Variants in PAFAH1B1 observed in about 807,000 individuals in gnomAD.
PAFAH1B1 encodes platelet activating factor acetylhydrolase 1b regulatory subunit 1.
Under a neutral mutation model 57.5 loss-of-function variants are expected in PAFAH1B1, and 2 were observed. That is an observed-to-expected ratio of 0.03 (90% CI 0.01 to 0.11). The LOEUF (loss-of-function observed/expected upper bound fraction) is 0.11, where lower values mean the gene tolerates loss of function less well. Among genes scored for constraint, PAFAH1B1 ranks in the 10% least tolerant of loss-of-function variants. The probability of loss-of-function intolerance (pLI) is 1.00; values close to 1 mark genes in which losing one functional copy is unlikely to be tolerated. For synonymous variants in PAFAH1B1, 152 were observed against 169.6 expected (o/e 0.90, Z 0.81); for missense variants, 257 against 512.0 (o/e 0.50, Z 4.81).
chr17:2,604,952 G>A (rs2068188553), intron 1 of PAFAH1B1, among the ~76,000 whole-genome samples: 2 of 152,204 alleles, frequency 1.3e-5, no homozygotes, highest in African/African-American at 4.8e-5. Context: ...TGAGGTTGGA[G>A]AGGCACGTCT....
intron 1 of PAFAH1B1, among the ~76,000 whole-genome samples, chr17:2,632,432 C>G (rs138906102): frequency 2.0e-3 from 300 of 152,350 alleles, no homozygotes; most frequent in African/African-American, 7.0e-3. Context: ...ACTTGTCTCA[C>G]TTAATCCAGA....
rs77786909 is a variant in PAFAH1B1, at chr17:2,672,421, G to T, written c.569-234G>T. On this transcript the variant is annotated intron_variant, in intron 6 of 10. Transcript: ENST00000397195. Reference sequence around the variant, plus strand: ...CTTTTGTTTTTAAACCATTTGTACAGGTTGAAATTTAATCCTAAATGGAGT... The same window carrying T: ...CTTTTGTTTTTAAACCATTTGTACATGTTGAAATTTAATCCTAAATGGAGT... Among the ~76,000 whole-genome samples the T allele has an allele frequency of 6.0e-3, 913 of 152,004 alleles. 13 individuals are homozygous for T. Among genetic ancestry groups the T allele is most frequent in the African/African-American group, 0.021 (876 of 41,452 alleles).
chr17:2,671,690 C>A (rs1265292441), intron 6 of PAFAH1B1, among the ~76,000 whole-genome samples: 1 of 150,418 alleles, frequency 6.6e-6, no homozygotes, highest in African/African-American at 2.5e-5. Flanking sequence ...GCAACCTCCA[C>A]CTCCCAGGTT....
chr17:2,602,627 T>G (rs2068158044), intron 1 of PAFAH1B1, among the ~76,000 whole-genome samples: 1 of 152,230 alleles, frequency 6.6e-6, no homozygotes. Context: ...TTCAGTCTTG[T>G]CCGGTTAACG....
chr17:2,680,432 C>A, intron 10 of PAFAH1B1, 112 bp downstream of exon 10: 1 of 936,726 alleles, frequency 1.1e-6, no homozygotes, highest in Non-Finnish European at 1.8e-6. Context: ...GCTTTCAGGG[C>A]AGAATAGAGA....
At chr17:2,613,249 G>C (rs2068288328) in intron 1 of PAFAH1B1, 1 of 182,376 alleles carries the variant, frequency 5.5e-6, no homozygotes, top group Non-Finnish European at 1.2e-5. Flanking sequence ...GAGTTTGTGT[G>C]GCCCCACCCC....
chr17:2,681,226 A>AC (rs1263627032), intron 10 of PAFAH1B1: 1 of 153,076 alleles, frequency 6.5e-6, no homozygotes, highest in Non-Finnish European at 1.5e-5. Context: ...ACATAGTGAG[A>AC]CCCTGCCTTT....
At chr17:2,594,919 T>G (rs1015698780) in intron 1 of PAFAH1B1, among the ~76,000 whole-genome samples, 2 of 152,116 alleles carry the variant, frequency 1.3e-5, no homozygotes, top group African/African-American at 4.8e-5. Context: ...AACGTAGCAG[T>G]AGAGGGGAAG....
intron 1 of PAFAH1B1, among the ~76,000 whole-genome samples, chr17:2,606,810 CTTTTTTTTTTTT>C (rs770011553): frequency 3.9e-5 from 4 of 101,708 alleles, no homozygotes; most frequent in Non-Finnish European, 7.9e-5. Context: ...TGCCTCAGAG[CTTTTTTTTTTTT>C]TTTTTTTTTT....
chr17:2,651,981 C>A (rs573180501), intron 2 of PAFAH1B1, among the ~76,000 whole-genome samples: 1 of 152,308 alleles, frequency 6.6e-6, no homozygotes, highest in East Asian at 1.9e-4. Flanking sequence ...ATCTCAGCCT[C>A]CCCCTATTCA....
chr17:2,638,174 T>C lies in PAFAH1B1; in HGVS notation c.-115T>C. 1.3e-6 allele frequency: 1 copy of C among 741,704 alleles called. No individual in the cohort carries two copies. The highest frequency in any genetic ancestry group is 2.4e-6 in the Non-Finnish European group (1 of 425,480). 45.9% of individuals were successfully genotyped at this position (741,704 alleles called of 1,614,324 possible). ...TTTGTGAAAGAATCATTTTCCCCTGTGTGGAAGACACTTAGTGGCATATTT... is the reference window on the plus strand; with the variant it reads ...TTTGTGAAAGAATCATTTTCCCCTGCGTGGAAGACACTTAGTGGCATATTT... On this transcript the variant is annotated 5_prime_UTR_variant, in exon 2 of 11. Coordinates refer to ENST00000397195, the MANE Select transcript of PAFAH1B1 (RefSeq NM_000430.4).
intron 1 of PAFAH1B1, among the ~76,000 whole-genome samples, chr17:2,616,403 C>G (rs2068341128): frequency 6.6e-6 from 1 of 152,102 alleles, no homozygotes; most frequent in South Asian, 2.1e-4. Flanking sequence ...ATTGTGAAGG[C>G]TTGCAAGTTC....
intron 1 of PAFAH1B1, among the ~76,000 whole-genome samples, chr17:2,602,679 A>G (rs1427227184): frequency 1.3e-5 from 2 of 152,302 alleles, no homozygotes; most frequent in African/African-American, 4.8e-5. Flanking sequence ...CTAAAATGCA[A>G]TCTGACCATA....
intron 1 of PAFAH1B1, among the ~76,000 whole-genome samples, chr17:2,625,755 G>A (rs978004480): frequency 1.3e-5 from 2 of 152,228 alleles, no homozygotes; most frequent in East Asian, 1.9e-4. Context: ...GCGGGACCCC[G>A]TCTCTAGCGG....
intron 1 of PAFAH1B1, among the ~76,000 whole-genome samples, chr17:2,634,662 A>AT (rs926275730): frequency 1.5e-3 from 217 of 147,852 alleles, no homozygotes; most frequent in Middle Eastern, 7.1e-3. Context: ...TAAGTGAGTG[A>AT]TTTTTTTTTT....
chr17:2,660,036 C>A (rs1384460595), intron 2 of PAFAH1B1, among the ~76,000 whole-genome samples: 1 of 152,016 alleles, frequency 6.6e-6, no homozygotes, highest in Admixed American at 6.6e-5. Flanking sequence ...GAGGAGGGTA[C>A]TAAGGATGAC....
intron 1 of PAFAH1B1, among the ~76,000 whole-genome samples, chr17:2,618,340 C>T (rs963938155): frequency 7.9e-5 from 12 of 152,098 alleles, no homozygotes; most frequent in Non-Finnish European, 1.6e-4. Context: ...ACAGAGCACA[C>T]GATACTTCAA....
At chr17:2,618,802 C>T (rs1043085121) in intron 1 of PAFAH1B1, among the ~76,000 whole-genome samples, 2 of 148,474 alleles carry the variant, frequency 1.3e-5, no homozygotes, top group Non-Finnish European at 3.0e-5. Context: ...TACTCGCTCA[C>T]TTGGGAGGCC....
intron 1 of PAFAH1B1, chr17:2,613,335 T>C (rs1597517118): frequency 8.3e-6 from 2 of 240,512 alleles, no homozygotes; most frequent in Non-Finnish European, 1.8e-5. Flanking sequence ...AAGGTCCCAT[T>C]TTCTTGCTTG....
Sources: gnomAD v4.1 joint callset for allele counts (sites outside exome capture counted in the v4.1 genomes callset) on GRCh38, gnomAD v4.1.1 for gene constraint, MANE v1.5 for transcripts, NCBI Gene and HGNC (gene_info 2026-07-23, HGNC 2026-07-21) for gene names.